PTPRM: variants seen among roughly 807,000 people sequenced by gnomAD.
The protein encoded by PTPRM is receptor-type tyrosine-protein phosphatase mu.
In PTPRM, 47 loss-of-function variants were observed where a neutral mutation model predicts 186.7. The observed-to-expected ratio is 0.25, with a 90% CI of 0.20 to 0.32. The LOEUF is 0.32. Ranked by LOEUF, PTPRM falls within the 10% of genes least tolerant of loss-of-function variation. PTPRM has a pLI of 1.00. For synonymous variants in PTPRM, 668 were observed against 674.9 expected, an observed-to-expected ratio of 0.99 and a Z score of 0.16; for missense variants, 1,494 against 1,865.0, an observed-to-expected ratio of 0.80 and a Z score of 3.66.
rs1156795903 is a variant in PTPRM at position 8,173,593 on chromosome 18, G to A, written c.2300+29814G>A. On this transcript the variant is annotated intron_variant, in intron 14 of 32. Coordinates refer to ENST00000580170, the MANE Select transcript of PTPRM (RefSeq NM_001105244.2). The stretch of plus-strand genomic sequence containing the variant: ...GCACAATTGACACGAGGTCGGCTAT[G>A]CCATGTAGGAGACAGAGTTATTATT... 1.2e-4 allele frequency among the ~76,000 whole-genome samples: 19 copies of A among 152,208 alleles called. 1 individual carries two copies. Among genetic ancestry groups the A allele is most frequent in the Non-Finnish European group, 2.9e-5 (2 of 68,042 alleles).
chr18:8,071,320 C>T (rs770396093), intron 8 of PTPRM, among the ~76,000 whole-genome samples: 4 of 152,188 alleles, frequency 2.6e-5, no homozygotes, highest in South Asian at 2.1e-4. Flanking sequence ...GTTGTTTCTA[C>T]TTCCAAAGTT....
intron 13 of PTPRM, chr18:8,121,839 T>G (rs1433862696): frequency 2.0e-5 from 3 of 152,210 alleles, no homozygotes; most frequent in Non-Finnish European, 4.4e-5. Context: ...TCTAAAAGCC[T>G]AAAGTTTGGA....
intron 7 of PTPRM, among the ~76,000 whole-genome samples, chr18:8,054,322 T>TATA (rs1555710867): frequency 8.1e-5 from 11 of 135,140 alleles, no homozygotes; most frequent in Admixed American, 2.2e-4. Flanking sequence ...TATATATATA[T>TATA]TACTACTACT....
chr18:8,359,525 G>C (rs556157930), intron 23 of PTPRM, among the ~76,000 whole-genome samples: 5 of 152,318 alleles, frequency 3.3e-5, no homozygotes, highest in African/African-American at 1.2e-4. Flanking sequence ...CCATTTTACT[G>C]GCCTGGGCTT....
At chr18:8,300,331 G>A (rs1015741529) in intron 20 of PTPRM, among the ~76,000 whole-genome samples, 2 of 151,998 alleles carry the variant, frequency 1.3e-5, no homozygotes, top group Admixed American at 1.3e-4. Context: ...AATGACCTTG[G>A]GTGAGTCATG....
At chr18:7,827,447 C>T (rs1438681846) in intron 2 of PTPRM, among the ~76,000 whole-genome samples, 3 of 152,220 alleles carry the variant, frequency 2.0e-5, no homozygotes, top group Non-Finnish European at 4.4e-5. Flanking sequence ...GCACTCCCCA[C>T]AGCTGTACTC....
At chr18:7,871,040 A>G (rs951434157) in intron 2 of PTPRM, among the ~76,000 whole-genome samples, 20 of 152,360 alleles carry the variant, frequency 1.3e-4, no homozygotes, top group African/African-American at 3.8e-4. Context: ...CAAAACACCA[A>G]GCTGTAAAGG....
chr18:8,392,484 G>T, intron 31 of PTPRM, among the ~76,000 whole-genome samples: 1 of 151,992 alleles, frequency 6.6e-6, no homozygotes, highest in East Asian at 1.9e-4. Context: ...AAAATTAGCC[G>T]GGCATGGTGG....
chr18:7,755,744 A>G (rs2041454210), intron 1 of PTPRM, among the ~76,000 whole-genome samples: 1 of 152,144 alleles, frequency 6.6e-6, no homozygotes, highest in Admixed American at 6.5e-5. Flanking sequence ...TACACTAATT[A>G]TATTTGTGCT....
intron 6 of PTPRM, among the ~76,000 whole-genome samples, chr18:7,949,830 A>G (rs2289685): frequency 0.022 from 3,282 of 152,268 alleles, 45 homozygotes; most frequent in African/African-American, 0.044. Flanking sequence ...GTTAGGTTCT[A>G]TTACTATATT....
At chr18:7,698,944 AG>A (rs1222348609) in intron 1 of PTPRM, among the ~76,000 whole-genome samples, 1 of 152,160 alleles carries the variant, frequency 6.6e-6, no homozygotes, top group Non-Finnish European at 1.5e-5. Context: ...CCTTTAAATC[AG>A]GGGTCCCCAA....
chr18:7,940,155 C>A (rs1031830887), intron 5 of PTPRM, among the ~76,000 whole-genome samples: 5 of 152,114 alleles, frequency 3.3e-5, no homozygotes, highest in Admixed American at 6.5e-5. Flanking sequence ...ATCTGGGGAC[C>A]AAAAGACATC....
intron 14 of PTPRM, among the ~76,000 whole-genome samples, chr18:8,159,953 C>T (rs576548772): frequency 7.3e-5 from 11 of 151,494 alleles, no homozygotes; most frequent in South Asian, 6.3e-4. Context: ...AGACTCCCTA[C>T]GTGTAGTAGT....
chr18:7,982,272 T>C (rs1465605768), intron 7 of PTPRM, among the ~76,000 whole-genome samples: 2 of 150,892 alleles, frequency 1.3e-5, no homozygotes, highest in Admixed American at 6.6e-5. Flanking sequence ...GTTTTCTGTT[T>C]TTAAGTTTTT....
chr18:8,216,684 C>T (rs985267752), intron 14 of PTPRM, among the ~76,000 whole-genome samples: 2 of 152,218 alleles, frequency 1.3e-5, no homozygotes, highest in Non-Finnish European at 2.9e-5. Flanking sequence ...TTGACATACT[C>T]TCTCTGAGAC....
At chr18:8,142,072 C>T (rs1348046051) in intron 13 of PTPRM, among the ~76,000 whole-genome samples, 1 of 152,072 alleles carries the variant, frequency 6.6e-6, no homozygotes, top group East Asian at 1.9e-4. Context: ...ATGTAATTAC[C>T]ATAAAGGATA....
intron 22 of PTPRM, among the ~76,000 whole-genome samples, chr18:8,337,446 C>T (rs997228162): frequency 1.3e-5 from 2 of 152,212 alleles, no homozygotes; most frequent in African/African-American, 4.8e-5. Context: ...CTCACCTTTA[C>T]ATCTCTACTA....
chr18:8,352,230 A>C (rs1487246113), intron 23 of PTPRM, among the ~76,000 whole-genome samples: 1 of 152,248 alleles, frequency 6.6e-6, no homozygotes, highest in Non-Finnish European at 1.5e-5. Flanking sequence ...TGCCTGTGGC[A>C]ATCTAGGTCT....
At chr18:8,215,294 A>G (rs1055144229) in intron 14 of PTPRM, among the ~76,000 whole-genome samples, 2 of 152,068 alleles carry the variant, frequency 1.3e-5, no homozygotes, top group Non-Finnish European at 2.9e-5. Flanking sequence ...AATATTATTC[A>G]GTAGTTCGTA....
Sources: allele counts gnomAD v4.1 joint callset (sites outside exome capture counted in the v4.1 genomes callset), GRCh38; gene constraint gnomAD v4.1.1; transcripts MANE v1.5; gene names NCBI Gene and HGNC (gene_info 2026-07-23, HGNC 2026-07-21).